The following FILIP1 variants were observed in gnomAD, a reference collection of about 807,000 sequenced individuals.
FILIP1 encodes filamin-A-interacting protein 1.
FILIP1 carries 61 observed loss-of-function variants against 102.1 expected under a neutral mutation model. That is an observed-to-expected ratio of 0.60 (90% CI 0.49 to 0.74). The LOEUF (loss-of-function observed/expected upper bound fraction) is 0.74, where lower values mean the gene tolerates loss of function less well. FILIP1 is among the 30% of genes least tolerant of loss of function. The pLI, the probability that FILIP1 is intolerant of heterozygous loss-of-function variation, is 0.00. For missense variants in FILIP1, 1,314 were observed against 1,441.2 expected (o/e 0.91, Z 1.43); for synonymous variants, 491 against 526.9 (o/e 0.93, Z 0.93).
In FILIP1 at chr6:75,403,524, A is replaced by AAAAAAAAAAAAG. The variant is rs55907855; in HGVS notation, c.276+11172_276+11173insCTTTTTTTTTTT. Among the ~76,000 whole-genome samples the AAAAAAAAAAAAG allele has an allele frequency of 1.2e-4, 16 of 134,730 alleles. 1 individual carries two copies. The highest frequency in any genetic ancestry group is 2.3e-4 in the South Asian group (1 of 4,362). The allele number at this position is 134,730 out of a possible 152,430, so 88.4% of individuals were successfully genotyped here. A position where few individuals can be genotyped will look rare whatever the true frequency, so the allele number is the denominator to read the frequency against. On this transcript the variant is annotated intron_variant, in intron 2 of 5. Coordinates refer to ENST00000237172, the MANE Select transcript of FILIP1 (RefSeq NM_015687.5). ...CAAGACTCTGTCCCACAAAAAAAAA[A>AAAAAAAAAAAAG]AAAAAAGAAAAAGAAAAAGAAATAT...
At chr6:75,341,917 A>G (rs1328913622) in intron 4 of FILIP1, among the ~76,000 whole-genome samples, 1 of 152,234 alleles carries the variant, frequency 6.6e-6, no homozygotes, top group East Asian at 1.9e-4. Flanking sequence ...AGAGTTTAAT[A>G]CACAGATGAG....
intron 1 of FILIP1, among the ~76,000 whole-genome samples, chr6:75,435,010 C>A (rs1045885867): frequency 3.9e-5 from 6 of 152,134 alleles, no homozygotes; most frequent in Non-Finnish European, 7.3e-5. Flanking sequence ...GTATGTTGAA[C>A]CAGCCTTGCA....
At chr6:75,410,605 G>A (rs190675241) in intron 2 of FILIP1, among the ~76,000 whole-genome samples, 202 of 152,122 alleles carry the variant, frequency 1.3e-3, no homozygotes, top group African/African-American at 4.6e-3. Flanking sequence ...GTGCCCATAT[G>A]TTTTCATTGT....
intron 2 of FILIP1, among the ~76,000 whole-genome samples, chr6:75,407,560 C>T (rs1053652112): frequency 3.3e-5 from 5 of 152,324 alleles, no homozygotes; most frequent in African/African-American, 9.6e-5. Flanking sequence ...AACACCTCTT[C>T]TGCCACTCAT....
intron 4 of FILIP1, among the ~76,000 whole-genome samples, chr6:75,347,146 A>G (rs1051085947): frequency 6.6e-6 from 1 of 152,188 alleles, no homozygotes; most frequent in African/African-American, 2.4e-5. Context: ...GAAGGTAAGA[A>G]GTTAGGAGTG....
At chr6:75,306,421 T>C (rs368042691), downstream of FILIP1, among the ~76,000 whole-genome samples, 51 of 152,238 alleles carry the variant, frequency 3.4e-4, no homozygotes, top group African/African-American at 1.2e-3. Context: ...GAATGGCAGG[T>C]GGAGTCAAAA....
chr6:75,451,056 A>C (rs1342082240), intron 1 of FILIP1, among the ~76,000 whole-genome samples: 1 of 152,046 alleles, frequency 6.6e-6, no homozygotes, highest in South Asian at 2.1e-4. Context: ...GGGCAGGGAT[A>C]AGTGTTGGGT....
At chr6:75,478,757 TA>T (rs1268006434) in intron 1 of FILIP1, among the ~76,000 whole-genome samples, 4 of 152,198 alleles carry the variant, frequency 2.6e-5, no homozygotes, top group African/African-American at 4.8e-5. Flanking sequence ...TCATCTTTCC[TA>T]AAAAGAGGTT....
At chr6:75,435,148 T>C (rs1353856523) in intron 1 of FILIP1, among the ~76,000 whole-genome samples, 5 of 152,340 alleles carry the variant, frequency 3.3e-5, no homozygotes, top group Admixed American at 1.3e-4. Flanking sequence ...TAAAATTCTC[T>C]TCTTTTGTTG....
At chr6:75,323,555 C>A (rs949231791) in intron 4 of FILIP1, among the ~76,000 whole-genome samples, 1 of 152,108 alleles carries the variant, frequency 6.6e-6, no homozygotes, top group East Asian at 1.9e-4. Flanking sequence ...GAGAAGGGAG[C>A]TGACATTTCA....
chr6:75,369,855 C>T (rs1406690501), intron 2 of FILIP1, among the ~76,000 whole-genome samples: 1 of 152,212 alleles, frequency 6.6e-6, no homozygotes, highest in Non-Finnish European at 1.5e-5. Context: ...TTCAGCCAGG[C>T]AGCTTGGGAC....
intron 1 of FILIP1, among the ~76,000 whole-genome samples, chr6:75,437,326 TAAAAC>T (rs1363874335): frequency 6.6e-6 from 1 of 152,250 alleles, no homozygotes; most frequent in African/African-American, 2.4e-5. Flanking sequence ...TGGACAAACT[TAAAAC>T]AAATGGCCTC....
At chr6:75,409,464 C>G (rs1447318117) in intron 2 of FILIP1, among the ~76,000 whole-genome samples, 1 of 152,162 alleles carries the variant, frequency 6.6e-6, no homozygotes. Flanking sequence ...ACCTCACTCA[C>G]TCCTGGGTAT....
chr6:75,463,729 T>A (rs1022870310), intron 1 of FILIP1, among the ~76,000 whole-genome samples: 1 of 152,222 alleles, frequency 6.6e-6, no homozygotes, highest in East Asian at 1.9e-4. Context: ...AGCTATCTGA[T>A]GTTTCTTATC....
chr6:75,349,862 G>A (rs1225870387), intron 4 of FILIP1, among the ~76,000 whole-genome samples: 1 of 152,288 alleles, frequency 6.6e-6, no homozygotes, highest in East Asian at 1.9e-4. Flanking sequence ...GAAAGCCTCG[G>A]GGTCAGCCTC....
At chr6:75,360,449 GT>G (rs1407546601) in intron 3 of FILIP1, among the ~76,000 whole-genome samples, 1 of 151,890 alleles carries the variant, frequency 6.6e-6, no homozygotes, top group African/African-American at 2.4e-5. Context: ...GTGAGTCCAG[GT>G]TTTTTTTACT....
In FILIP1 at chr6:75,313,260, G is replaced by C. The variant is rs774343848; in HGVS notation, c.2572C>G (p.Pro858Ala). 1.1e-5 allele frequency: 18 copies of C among 1,614,048 alleles called. No individual in the cohort carries two copies. Among genetic ancestry groups the C allele is most frequent in the Non-Finnish European group, 1.5e-5 (18 of 1,180,036 alleles). Residue 858 changes from proline (P) to alanine (A), a missense_variant, in exon 5 of 6, where the codon CCA becomes GCA. Pro to Ala is a conservative substitution (Grantham distance 27, BLOSUM62 -1). Coordinates refer to ENST00000237172, the MANE Select transcript of FILIP1 (RefSeq NM_015687.5). The surrounding 1 kb of genome is among the most constrained non-coding windows in gnomAD (Gnocchi z 4.2). ...CTCATAGTGAGCTCATTTGCTGCTG[G>C]AGGATACCTGTCTAGAACAGAAGAT... ...ERSSVLDRYP[P>A]AANELTMRKS...
intron 4 of FILIP1, chr6:75,319,325 G>C: frequency 1.5e-6 from 1 of 649,530 alleles, no homozygotes; most frequent in South Asian, 1.4e-5. Context: ...GTTCTTCTTT[G>C]ATTTTTGGGC....
intron 2 of FILIP1, among the ~76,000 whole-genome samples, chr6:75,400,482 G>A (rs1038627565): frequency 6.6e-6 from 1 of 152,142 alleles, no homozygotes; most frequent in Non-Finnish European, 1.5e-5. Context: ...TTACCTAAGT[G>A]AGGCTATAGG....
Sources: allele counts gnomAD v4.1 joint callset (sites outside exome capture counted in the v4.1 genomes callset), GRCh38; gene constraint gnomAD v4.1.1; non-coding constraint Gnocchi (gnomAD v3.1); transcripts MANE v1.5; gene names NCBI Gene and HGNC (gene_info 2026-07-23, HGNC 2026-07-21).